The following NIPBL variants were observed in gnomAD, a reference collection of about 807,000 sequenced individuals.
NIPBL encodes the protein NIPBL cohesin loading factor.
NIPBL carries 19 observed loss-of-function variants against 321.8 expected under a neutral mutation model. The observed-to-expected ratio is 0.06, with a 90% CI of 0.04 to 0.09. The LOEUF (loss-of-function observed/expected upper bound fraction) is 0.09, where lower values mean the gene tolerates loss of function less well. Ranked by LOEUF, NIPBL falls within the 10% of genes least tolerant of loss-of-function variation. NIPBL has a pLI of 1.00. For missense variants in NIPBL, 2,210 were observed against 3,327.0 expected, an observed-to-expected ratio of 0.66 and a Z score of 8.26; for synonymous variants, 1,106 against 1,114.1, an observed-to-expected ratio of 0.99 and a Z score of 0.14.
chr5:36,972,813 C>G (rs1331937839), intron 8 of NIPBL, among the ~76,000 whole-genome samples: 1 of 151,790 alleles, frequency 6.6e-6, no homozygotes, highest in Non-Finnish European at 1.5e-5. Context: ...CTAACCTGTT[C>G]TGTTAATTTT....
At chr5:37,021,054 T>C (rs1749571719) in intron 27 of NIPBL, among the ~76,000 whole-genome samples, 177 bp downstream of exon 27, 1 of 152,244 alleles carries the variant, frequency 6.6e-6, no homozygotes, top group Non-Finnish European at 1.5e-5. Context: ...ATCCCAACAC[T>C]TTGGGAAGCC....
At chr5:37,030,919 CTTTTTTT>C (rs11291612) in intron 32 of NIPBL, among the ~76,000 whole-genome samples, 4 of 82,382 alleles carry the variant, frequency 4.9e-5, no homozygotes, top group Admixed American at 1.4e-4. Context: ...CATGTTTAGC[CTTTTTTT>C]TTTTTTTTTT....
At chr5:36,900,982 T>C (rs941275519) in intron 1 of NIPBL, among the ~76,000 whole-genome samples, 6 of 152,160 alleles carry the variant, frequency 3.9e-5, no homozygotes, top group African/African-American at 9.7e-5. Flanking sequence ...AGGGGGTACA[T>C]GTGCAGGTTT....
chr5:36,939,182 T>G (rs570273877), intron 1 of NIPBL, among the ~76,000 whole-genome samples: 31 of 152,318 alleles, frequency 2.0e-4, no homozygotes, highest in Admixed American at 1.3e-3. Flanking sequence ...TTTGTATTTT[T>G]TGTAGAGATG....
intron 1 of NIPBL, among the ~76,000 whole-genome samples, chr5:36,882,769 G>A (rs1745601292): frequency 6.6e-6 from 1 of 151,744 alleles, no homozygotes. Context: ...TTGGTGAAAG[G>A]GTAGCCTTGA....
intron 1 of NIPBL, among the ~76,000 whole-genome samples, chr5:36,878,989 T>G (rs1580126159): frequency 4.8e-5 from 6 of 123,856 alleles, no homozygotes; most frequent in Admixed American, 7.9e-5. Flanking sequence ...GGTGTGCGAG[T>G]GGGGGGCATG....
intron 36 of NIPBL, among the ~76,000 whole-genome samples, 200 bp from the exon 37 acceptor site, chr5:37,045,243 A>T (rs536518572): frequency 6.6e-6 from 1 of 152,170 alleles, no homozygotes; most frequent in East Asian, 1.9e-4. Flanking sequence ...AATCCCAGCT[A>T]CTTGGGAAGC....
In NIPBL at chr5:36,976,074, T is replaced by C; in HGVS notation, c.1167T>C (p.Asp389=). ...AAAATAGCAATGTTTCAGAAAATGA[T>C]ATTCCTTTTAATGTGCAGTACCCAG... ...GVENSNVSEN[D]IPFNVQYPGQ... The change falls in exon 9 of 47, where the codon GAT becomes GAC. Residue 389 remains aspartate, a synonymous_variant. Transcript: ENST00000282516. 6.2e-7 allele frequency: 1 copy of C among 1,613,974 alleles called. No homozygotes were observed. The highest frequency in any genetic ancestry group is 8.5e-7 in the Non-Finnish European group (1 of 1,179,928).
chr5:37,046,964 A>G (rs301900), intron 38 of NIPBL, among the ~76,000 whole-genome samples: 6,223 of 152,208 alleles, frequency 0.041, 429 homozygotes, highest in African/African-American at 0.14. Flanking sequence ...ACCACCAAGG[A>G]TCAAAAATAC....
At chr5:37,008,189 C>T (rs1218782262) in intron 19 of NIPBL, 101 bp downstream of exon 19, 7 of 750,660 alleles carry the variant, frequency 9.3e-6, no homozygotes, top group Non-Finnish European at 1.4e-5. Context: ...ACCTGGTTTT[C>T]AGTACATTCA....
In NIPBL at chr5:37,064,511, C is replaced by T. The variant is rs1407300481; in HGVS notation, c.8050-16C>T. On this transcript the variant is annotated splice_polypyrimidine_tract_variant and intron_variant, in intron 46 of 46. Coordinates refer to ENST00000282516, the MANE Select transcript of NIPBL (RefSeq NM_133433.4). ...GTGTAACACTTGGTCTTTTTTCCCC[C>T]CTCCCAATGTTTTAGTCATTGAGAA... 4 of 1,610,350 alleles carry T rather than the reference C, an allele frequency of 2.5e-6. No homozygotes were observed. In the East Asian group the frequency reaches 6.7e-5, roughly 27 times the overall value.
At chr5:36,911,222 T>A (rs1748024643) in intron 1 of NIPBL, among the ~76,000 whole-genome samples, 1 of 152,214 alleles carries the variant, frequency 6.6e-6, no homozygotes, top group Non-Finnish European at 1.5e-5. Flanking sequence ...CATCACATTC[T>A]GAGATGGCAT....
intron 1 of NIPBL, among the ~76,000 whole-genome samples, chr5:36,904,884 G>A (rs575620724): frequency 6.6e-6 from 1 of 152,294 alleles, no homozygotes; most frequent in East Asian, 1.9e-4. Context: ...TCTCAGAAGT[G>A]ACATGCCATC....
intron 1 of NIPBL, among the ~76,000 whole-genome samples, chr5:36,923,326 A>G (rs1347185761): frequency 5.9e-5 from 9 of 151,932 alleles, no homozygotes; most frequent in African/African-American, 1.5e-4. Flanking sequence ...ACAAAAACAA[A>G]CAACAACAAA....
chr5:36,948,388 A>G (rs140334134), intron 1 of NIPBL, among the ~76,000 whole-genome samples: 1,703 of 152,076 alleles, frequency 0.011, 21 homozygotes, highest in Non-Finnish European at 0.017. Flanking sequence ...TTAACTATTA[A>G]GCATAGTAAA....
chr5:36,927,733 C>T (rs1749473193), intron 1 of NIPBL, among the ~76,000 whole-genome samples: 1 of 152,076 alleles, frequency 6.6e-6, no homozygotes, highest in Non-Finnish European at 1.5e-5. Context: ...GTTAGACATC[C>T]AAATGGAGAT....
intron 6 of NIPBL, among the ~76,000 whole-genome samples, chr5:36,964,481 C>T (rs1406943556): frequency 6.6e-6 from 1 of 151,900 alleles, no homozygotes; most frequent in Non-Finnish European, 1.5e-5. Context: ...GCACCAAGAA[C>T]ATAAAATGAG....
chr5:36,889,589 G>A (rs1746167641), intron 1 of NIPBL, among the ~76,000 whole-genome samples: 2 of 152,090 alleles, frequency 1.3e-5, no homozygotes, highest in Non-Finnish European at 2.9e-5. Context: ...CAATAAGCTT[G>A]TAACTGTCCT....
Position 37,036,373 on chromosome 5 carries a change from A to G in NIPBL, c.5863-6A>G, listed in dbSNP as rs1247455208. On this transcript the variant is annotated splice_polypyrimidine_tract_variant and splice_region_variant and intron_variant, in intron 32 of 46. Coordinates refer to ENST00000282516, the MANE Select transcript of NIPBL (RefSeq NM_133433.4). ...TATATATATATATATATATATGTAT[A>G]TATAGTTGTTGAAGTCCGAAGAGGA... 6 of 919,994 alleles carry G rather than the reference A, an allele frequency of 6.5e-6. No individual in the cohort carries two copies. Among genetic ancestry groups the G allele is most frequent in the Admixed American group, 3.3e-5 (1 of 30,056 alleles). 57.0% of individuals were successfully genotyped at this position (919,994 alleles called of 1,614,324 possible).
Sources: gnomAD v4.1 joint callset for allele counts (sites outside exome capture counted in the v4.1 genomes callset) on GRCh38, gnomAD v4.1.1 for gene constraint, MANE v1.5 for transcripts, NCBI Gene and HGNC (gene_info 2026-07-23, HGNC 2026-07-21) for gene names.